The following KCTD8 variants were observed in gnomAD, a reference collection of about 807,000 sequenced individuals.
KCTD8 encodes BTB/POZ domain-containing protein KCTD8.
Under a neutral mutation model 31.5 loss-of-function variants are expected in KCTD8, and 27 were observed. The ratio of observed to expected loss-of-function variants is 0.86; its 90% CI spans 0.63 to 1.18. The LOEUF (loss-of-function observed/expected upper bound fraction) is 1.18. Among genes scored for constraint, KCTD8 ranks in the 50% most tolerant of loss-of-function variants. KCTD8 has a pLI of 0.00. For synonymous variants in KCTD8, 290 were observed against 280.0 expected (o/e 1.04, Z -0.36); for missense variants, 658 against 647.7 (o/e 1.02, Z -0.17).
intron 1 of KCTD8, among the ~76,000 whole-genome samples, chr4:44,377,653 T>C (rs1335057034): frequency 6.6e-6 from 1 of 152,184 alleles, no homozygotes; most frequent in Non-Finnish European, 1.5e-5. Context: ...GTCTAAGCAC[T>C]ATTCCACTAC....
At chr4:44,432,573 T>A (rs1721530781) in intron 1 of KCTD8, among the ~76,000 whole-genome samples, 1 of 151,620 alleles carries the variant, frequency 6.6e-6, no homozygotes, top group African/African-American at 2.4e-5. Flanking sequence ...AATACAGCTT[T>A]ATTTATTTCT....
chr4:44,282,861 G>A (rs1259064682), intron 1 of KCTD8, among the ~76,000 whole-genome samples: 1 of 151,952 alleles, frequency 6.6e-6, no homozygotes, highest in Non-Finnish European at 1.5e-5. Context: ...CAGAAGAAAA[G>A]TCTGAAGCTA....
intron 1 of KCTD8, among the ~76,000 whole-genome samples, chr4:44,388,196 T>C (rs1022711692): frequency 3.3e-5 from 5 of 151,652 alleles, no homozygotes; most frequent in Non-Finnish European, 7.4e-5. Flanking sequence ...TATTAAAAAG[T>C]CAAAAAATAA....
chr4:44,373,359 CA>C (rs1048818211), intron 1 of KCTD8, among the ~76,000 whole-genome samples: 83 of 135,174 alleles, frequency 6.1e-4, no homozygotes, highest in Admixed American at 8.3e-4. Flanking sequence ...GACTCTGTCT[CA>C]AAAAAAAAAA....
intron 1 of KCTD8, among the ~76,000 whole-genome samples, chr4:44,445,482 C>G (rs1721916954): frequency 6.6e-6 from 1 of 152,100 alleles, no homozygotes; most frequent in African/African-American, 2.4e-5. Context: ...ACTTCTGTAG[C>G]TCTAGAAGTG....
chr4:44,410,992 T>C (rs1720939832), intron 1 of KCTD8, among the ~76,000 whole-genome samples: 1 of 152,172 alleles, frequency 6.6e-6, no homozygotes, highest in Admixed American at 6.6e-5. Context: ...AACTTTGGGT[T>C]ACATTTAATA....
intron 1 of KCTD8, among the ~76,000 whole-genome samples, chr4:44,240,666 A>G (rs1214694979): frequency 2.0e-5 from 3 of 152,050 alleles, no homozygotes; most frequent in Non-Finnish European, 4.4e-5. Flanking sequence ...GTGTTCATGG[A>G]TGATTTCTTG....
At chr4:44,447,473 C>A (rs745421635) in intron 1 of KCTD8, 90 bp downstream of exon 1, 2 of 1,429,462 alleles carry the variant, frequency 1.4e-6, no homozygotes, top group African/African-American at 1.4e-5. Flanking sequence ...CTGCCCCGGA[C>A]ACCCCCGCGG....
chr4:44,290,563 T>C (rs1448828337), intron 1 of KCTD8, among the ~76,000 whole-genome samples: 1 of 152,086 alleles, frequency 6.6e-6, no homozygotes. Context: ...TGCTGGGTCA[T>C]AAAGAAAGTC....
chr4:44,339,638 C>T (rs942087530), intron 1 of KCTD8, among the ~76,000 whole-genome samples: 3 of 151,948 alleles, frequency 2.0e-5, no homozygotes, highest in African/African-American at 7.2e-5. Flanking sequence ...AACAAGGAGA[C>T]AAAAATATCC....
intron 1 of KCTD8, among the ~76,000 whole-genome samples, chr4:44,439,349 C>T (rs2109483057): frequency 6.6e-6 from 1 of 152,016 alleles, no homozygotes; most frequent in African/African-American, 2.4e-5. Context: ...TTGCTTTTTT[C>T]CCCGATAAAA....
intron 1 of KCTD8, among the ~76,000 whole-genome samples, chr4:44,406,295 C>T (rs1202653753): frequency 6.6e-6 from 1 of 152,128 alleles, no homozygotes; most frequent in Non-Finnish European, 1.5e-5. Context: ...CATTGAAAAA[C>T]ATGACTCTTC....
intron 1 of KCTD8, among the ~76,000 whole-genome samples, chr4:44,235,640 A>T (rs1675668688): frequency 6.8e-6 from 1 of 146,080 alleles, no homozygotes; most frequent in African/African-American, 2.5e-5. Context: ...AAACTGACAA[A>T]GCAGCTTTCA....
At chr4:44,312,509 TG>T (rs61008589) in intron 1 of KCTD8, among the ~76,000 whole-genome samples, 4,463 of 152,018 alleles carry the variant, frequency 0.029, 235 homozygotes, top group African/African-American at 0.1. Context: ...CACTAAAATC[TG>T]AAAAAAAGCA....
At chr4:44,336,172 A>G (rs1212868409) in intron 1 of KCTD8, among the ~76,000 whole-genome samples, 19 of 148,960 alleles carry the variant, frequency 1.3e-4, no homozygotes, top group South Asian at 2.1e-4. Context: ...AAAAAAAAAA[A>G]AAAAGAAAAA....
chr4:44,444,586 C>G (rs958132094), intron 1 of KCTD8, among the ~76,000 whole-genome samples: 6 of 152,132 alleles, frequency 3.9e-5, no homozygotes, highest in Non-Finnish European at 7.4e-5. Context: ...GAGTCAGGCA[C>G]TAATCTAAGC....
chr4:44,235,552 T>TATATATAC (rs1282231622), intron 1 of KCTD8, among the ~76,000 whole-genome samples: 10 of 89,094 alleles, frequency 1.1e-4, no homozygotes, highest in African/African-American at 5.1e-4. Context: ...TATATATATA[T>TATATATAC]ATATATATAT....
chr4:44,375,587 G>A (rs376796966), intron 1 of KCTD8, among the ~76,000 whole-genome samples: 1 of 152,202 alleles, frequency 6.6e-6, no homozygotes, highest in Middle Eastern at 3.4e-3. Context: ...TCAGATTCCA[G>A]GTTCTCTTGA....
intron 1 of KCTD8, among the ~76,000 whole-genome samples, chr4:44,222,488 G>C (rs903041468): frequency 6.6e-6 from 1 of 152,188 alleles, no homozygotes; most frequent in African/African-American, 2.4e-5. Context: ...GAAGATGAAG[G>C]AGATCTGGCC....
Sources: allele counts gnomAD v4.1 joint callset (sites outside exome capture counted in the v4.1 genomes callset), GRCh38; gene constraint gnomAD v4.1.1; transcripts MANE v1.5; gene names NCBI Gene and HGNC (gene_info 2026-07-23, HGNC 2026-07-21).